Variants in E2F2 observed in about 807,000 individuals in gnomAD.
E2F2 encodes the protein E2F transcription factor 2.
A neutral mutation model predicts 42.2 loss-of-function variants in E2F2; 22 were observed. That is an observed-to-expected ratio of 0.52 (90% CI 0.37 to 0.74). E2F2 has a LOEUF of 0.74. E2F2 is among the 30% of genes least tolerant of loss of function. The pLI, the probability that E2F2 is intolerant of heterozygous loss-of-function variation, is 0.00. For synonymous variants in E2F2, 248 were observed against 251.6 expected (o/e 0.99, Z 0.13); for missense variants, 481 against 557.8 (o/e 0.86, Z 1.39).
intron 3 of E2F2, chr1:23,521,491 G>A (rs1244083936): frequency 1.0e-6 from 1 of 962,546 alleles, no homozygotes; most frequent in African/African-American, 1.8e-5. Flanking sequence ...GCTCCCAGGG[G>A]ACTGCCCTAA....
intron 2 of E2F2, among the ~76,000 whole-genome samples, chr1:23,522,265 C>A (rs1370476454): frequency 2.6e-5 from 4 of 152,222 alleles, no homozygotes; most frequent in African/African-American, 9.6e-5. Context: ...GGTCTCACGG[C>A]CAATGGGCAG....
At chr1:23,525,505 G>GT (rs756955157) in intron 1 of E2F2, among the ~76,000 whole-genome samples, 1 of 152,198 alleles carries the variant, frequency 6.6e-6, no homozygotes, top group Non-Finnish European at 1.5e-5. Context: ...TTCTTCCTCT[G>GT]TAAATGGGGT....
intron 5 of E2F2, among the ~76,000 whole-genome samples, chr1:23,518,456 G>GT: frequency 6.7e-6 from 1 of 150,102 alleles, no homozygotes; most frequent in African/African-American, 2.4e-5. Flanking sequence ...GGGCAACAGA[G>GT]TGAGACTCTG....
At chr1:23,525,060 C>T (rs1643226933) in intron 1 of E2F2, among the ~76,000 whole-genome samples, 1 of 152,228 alleles carries the variant, frequency 6.6e-6, no homozygotes. Context: ...AACATCCCCA[C>T]CCCCATGTTT....
intron 4 of E2F2, among the ~76,000 whole-genome samples, chr1:23,520,077 T>A (rs2148700665): frequency 1.9e-5 from 2 of 105,214 alleles, no homozygotes; most frequent in African/African-American, 7.4e-5. Context: ...AGACTCCATC[T>A]CAAAAAAAAA....
At chr1:23,519,655 C>T (rs981232984) in intron 4 of E2F2, among the ~76,000 whole-genome samples, 10 of 152,170 alleles carry the variant, frequency 6.6e-5, no homozygotes, top group Non-Finnish European at 7.3e-5. Context: ...TTCGGCCGAA[C>T]GCGGCGGCTC....
chr1:23,511,996 G>A (rs953619664), intron 6 of E2F2, among the ~76,000 whole-genome samples: 28 of 152,152 alleles, frequency 1.8e-4, no homozygotes, highest in Middle Eastern at 3.4e-3. Context: ...TCAGGAGTTC[G>A]AGACCAGCCT....
chr1:23,506,478 A>C lies in E2F2; in HGVS notation c.*3402T>G, dbSNP rs1642796997. On this transcript the variant is annotated 3_prime_UTR_variant, in exon 7 of 7. Coordinates refer to ENST00000361729, the MANE Select transcript of E2F2 (RefSeq NM_004091.4). ...AATGCCCAATTATCTCAATACAAGGAGGCTTACATGGTGCTCATAAAGACA... is the reference window on the plus strand; with the variant it reads ...AATGCCCAATTATCTCAATACAAGGCGGCTTACATGGTGCTCATAAAGACA... 1 of 152,238 alleles carries C rather than the reference A, an allele frequency of 6.6e-6. No homozygotes were observed. The highest frequency in any genetic ancestry group is 2.1e-4 in the South Asian group (1 of 4,818). 9.4% of individuals were successfully genotyped at this position (152,238 alleles called of 1,614,324 possible). A position where few individuals can be genotyped will look rare whatever the true frequency, so the allele number is the denominator to read the frequency against.
chr1:23,531,096 G>A lies in E2F2; in HGVS notation c.-303C>T, dbSNP rs1427974574. 1.8e-5 allele frequency: 6 copies of A among 330,962 alleles called. No individual in the cohort carries two copies. Among genetic ancestry groups the A allele is most frequent in the Non-Finnish European group, 3.3e-5 (6 of 182,942 alleles). 20.5% of individuals were successfully genotyped at this position (330,962 alleles called of 1,614,324 possible). A position where few individuals can be genotyped will look rare whatever the true frequency, so the allele number is the denominator to read the frequency against. On this transcript the variant is annotated 5_prime_UTR_variant, in exon 1 of 7. Transcript: ENST00000361729. ...CGCGCTCCCCAAGGCCTCGGCACCT[G>A]GGGTCCGGCCGGCTCTGGGGAGGGG...
At position 23,521,890 on chromosome 1, in the gene E2F2, C is replaced by T. The variant is rs777438774; in HGVS notation, c.525G>A (p.Val175=). The part of the protein sequence containing the change: ...QKRRIYDITN[V]LEGIQLIRKK... ...TGCGGATGAGCTGGATGCCTTCCAGCACGTTGGTGATGTCATAGATGCGCC... is the reference window on the plus strand; with the variant it reads ...TGCGGATGAGCTGGATGCCTTCCAGTACGTTGGTGATGTCATAGATGCGCC... Residue 175 remains valine, a synonymous_variant, in exon 3 of 7, where the codon GTG becomes GTA. Coordinates refer to ENST00000361729, the MANE Select transcript of E2F2 (RefSeq NM_004091.4). 1 of 1,614,176 alleles carries T rather than the reference C, an allele frequency of 6.2e-7. No homozygotes were observed. The highest frequency in any genetic ancestry group is 1.3e-5 in the African/African-American group (1 of 75,038).
intron 5 of E2F2, among the ~76,000 whole-genome samples, chr1:23,518,497 AAATC>A (rs1447978988): frequency 8.8e-5 from 12 of 136,876 alleles, no homozygotes; most frequent in East Asian, 2.5e-4. Flanking sequence ...ATAAATAAAT[AAATC>A]AAACAAAACA....
intron 2 of E2F2, 92 bp downstream of exon 2, chr1:23,524,291 A>G: frequency 1.0e-6 from 1 of 996,186 alleles, no homozygotes; most frequent in Non-Finnish European, 1.4e-6. Flanking sequence ...TAAACTGGAA[A>G]GTGATCCAAA....
intron 6 of E2F2, among the ~76,000 whole-genome samples, chr1:23,512,258 C>T (rs942168885): frequency 1.3e-5 from 2 of 152,054 alleles, no homozygotes; most frequent in Admixed American, 6.6e-5. Context: ...TTTGTCGGGT[C>T]TGCATGCTGC....
In E2F2 at chr1:23,522,101, C is replaced by A. The variant is rs1182232894; in HGVS notation, c.359-45G>T. 6 of 1,578,706 alleles carry A rather than the reference C, an allele frequency of 3.8e-6. No individual in the cohort carries two copies. In the East Asian group the frequency reaches 1.3e-4, roughly 35 times the overall value. ...AGTCACAGCTCAGGGAGGGGAGGGC[C>A]CGCCCAGGACCCTCGTCCATTGACC... On this transcript the variant is annotated intron_variant, in intron 2 of 6. Coordinates refer to ENST00000361729, the MANE Select transcript of E2F2 (RefSeq NM_004091.4).
At chr1:23,529,948 AGAACCCAAGGGG>A (rs564858655) in intron 1 of E2F2, among the ~76,000 whole-genome samples, 35 of 152,356 alleles carry the variant, frequency 2.3e-4, no homozygotes, top group African/African-American at 7.9e-4. Context: ...CAATCTGAAC[AGAACCCAAGGGG>A]GCTGCCCACA....
In E2F2 at chr1:23,509,890, A is replaced by C; in HGVS notation, c.1304T>G (p.Leu435Trp). ...GGCAGGCAGGGCCACTCAATTAATC[A>C]ACAGGTCCCCAAGGTCGTAGGAGTC... ...LFDSYDLGDLLIN is the reference protein window; with the variant it reads ...LFDSYDLGDLWIN Residue 435 changes from leucine (L) to tryptophan (W), a missense_variant, in exon 7 of 7, where the codon TTG becomes TGG. Coordinates refer to ENST00000361729, the MANE Select transcript of E2F2 (RefSeq NM_004091.4). 6.5e-7 allele frequency: 1 copy of C among 1,545,382 alleles called. No homozygotes were observed. Among genetic ancestry groups the C allele is most frequent in the Non-Finnish European group, 8.8e-7 (1 of 1,142,360 alleles).
At position 23,521,091 on chromosome 1, in the gene E2F2, CCAGTGT is replaced by C. The variant is rs1643136271; in HGVS notation, c.579-26_579-21del. 6.3e-7 allele frequency: 1 copy of C among 1,595,758 alleles called. No individual in the cohort carries two copies. The highest frequency in any genetic ancestry group is 8.5e-7 in the Non-Finnish European group (1 of 1,172,120). Reference sequence around the variant, plus strand: ...CTGCCTCTGGGAACAGAGCAGCCCCCCAGTGTCAGTCTGTGGGTGAAACTCCAGAAC... The same window carrying C: ...CTGCCTCTGGGAACAGAGCAGCCCCCCAGTCTGTGGGTGAAACTCCAGAAC... On this transcript the variant is annotated intron_variant, in intron 3 of 6. Transcript: ENST00000361729.
intron 4 of E2F2, among the ~76,000 whole-genome samples, chr1:23,520,243 CAAAAAAAAAAAAAAAAAAAA>C (rs66460864): frequency 6.3e-5 from 5 of 78,884 alleles, no homozygotes; most frequent in African/African-American, 1.6e-4. Context: ...GACTCTGTCT[CAAAAAAAAAAAAAAAAAAAA>C]AAAAAAAAAA....
Position 23,509,820 on chromosome 1 carries a change from G to A in E2F2, c.*60C>T. ...ATGTCCCTGTGCAGGCAGAGGGGCT[G>A]TCAGCCTGTCTGTGAGGAGGTAGAG... On this transcript the variant is annotated 3_prime_UTR_variant, in exon 7 of 7. Coordinates refer to ENST00000361729, the MANE Select transcript of E2F2 (RefSeq NM_004091.4). 1 of 1,492,686 alleles carries A rather than the reference G, an allele frequency of 6.7e-7. No homozygotes were observed. The highest frequency in any genetic ancestry group is 2.4e-5 in the Admixed American group (1 of 42,310). 92.5% of individuals were successfully genotyped at this position (1,492,686 alleles called of 1,614,324 possible).
Sources: gnomAD v4.1 joint callset for allele counts (sites outside exome capture counted in the v4.1 genomes callset) on GRCh38, gnomAD v4.1.1 for gene constraint, MANE v1.5 for transcripts, NCBI Gene and HGNC (gene_info 2026-07-23, HGNC 2026-07-21) for gene names.